Variants in KCNMB2 observed in about 807,000 individuals in gnomAD.
The protein encoded by KCNMB2 is potassium calcium-activated channel subfamily M regulatory beta subunit 2.
A neutral mutation model predicts 24.5 loss-of-function variants in KCNMB2; 9 were observed. The observed-to-expected ratio is 0.37, with a 90% CI of 0.22 to 0.64. The LOEUF (loss-of-function observed/expected upper bound fraction) is 0.64, where lower values mean the gene tolerates loss of function less well. KCNMB2 is among the 30% of genes least tolerant of loss of function. The pLI is 0.63. For missense variants in KCNMB2, 226 were observed against 284.3 expected, an observed-to-expected ratio of 0.79 and a Z score of 1.47; for synonymous variants, 109 against 104.4, an observed-to-expected ratio of 1.04 and a Z score of -0.27.
intron 1 of KCNMB2, among the ~76,000 whole-genome samples, chr3:178,649,683 G>A (rs1003380483): frequency 6.6e-6 from 1 of 151,864 alleles, no homozygotes; most frequent in Non-Finnish European, 1.5e-5. Context: ...TTCTCTGATG[G>A]TAGTTTGTAT....
In KCNMB2 at chr3:178,843,426, C is replaced by T. The variant is rs1197942791; in HGVS notation, c.*489C>T. The stretch of plus-strand genomic sequence containing the variant: ...TTTCCTAATTAAAGGAAGTTAGGTA[C>T]TTTTCTTGTATTTTTTACCATATCA... On this transcript the variant is annotated 3_prime_UTR_variant, in exon 5 of 5. Transcript: ENST00000452583. 4.8e-6 allele frequency: 1 copy of T among 206,574 alleles called. No homozygotes were observed. Among genetic ancestry groups the T allele is most frequent in the African/African-American group, 2.4e-5 (1 of 42,104 alleles). 12.8% of individuals were successfully genotyped at this position (206,574 alleles called of 1,614,324 possible).
At chr3:178,788,226 C>T (rs1039947264) in intron 1 of KCNMB2, among the ~76,000 whole-genome samples, 1 of 152,066 alleles carries the variant, frequency 6.6e-6, no homozygotes, top group Non-Finnish European at 1.5e-5. Context: ...ATGCGTGATG[C>T]CCAACACAGT....
chr3:178,632,719 A>C (rs1719365160), intron 1 of KCNMB2, among the ~76,000 whole-genome samples: 1 of 139,924 alleles, frequency 7.1e-6, no homozygotes, highest in South Asian at 2.1e-4. Flanking sequence ...TCATGTCCTC[A>C]CATTTCAAAA....
chr3:178,588,742 T>A (rs1030411126), intron 1 of KCNMB2, among the ~76,000 whole-genome samples: 2 of 152,166 alleles, frequency 1.3e-5, no homozygotes, highest in Admixed American at 1.3e-4. Flanking sequence ...CGACTTCCGT[T>A]TGAAGACACT....
intron 1 of KCNMB2, among the ~76,000 whole-genome samples, chr3:178,589,868 T>C (rs1185026452): frequency 6.6e-6 from 1 of 152,178 alleles, no homozygotes; most frequent in Non-Finnish European, 1.5e-5. Flanking sequence ...TGTGGGTTAA[T>C]TCACTGAAGT....
At chr3:178,542,831 G>C (rs1164944451) in intron 1 of KCNMB2, among the ~76,000 whole-genome samples, 2 of 152,260 alleles carry the variant, frequency 1.3e-5, no homozygotes, top group East Asian at 1.9e-4. Context: ...TAGAAAACCA[G>C]TTTCACAGCC....
intron 1 of KCNMB2, among the ~76,000 whole-genome samples, chr3:178,799,338 G>A (rs1293484792): frequency 6.6e-6 from 1 of 152,002 alleles, no homozygotes; most frequent in Non-Finnish European, 1.5e-5. Context: ...AAAGTTGCAG[G>A]ATCCAAAAAT....
intron 1 of KCNMB2, among the ~76,000 whole-genome samples, chr3:178,650,057 G>A (rs1720055116): frequency 6.6e-6 from 1 of 152,022 alleles, no homozygotes; most frequent in African/African-American, 2.4e-5. Context: ...TGTTCTCATT[G>A]GTTTCAAAGA....
intron 3 of KCNMB2, among the ~76,000 whole-genome samples, chr3:178,827,940 A>C (rs920985822): frequency 6.6e-6 from 1 of 152,208 alleles, no homozygotes; most frequent in Admixed American, 6.5e-5. Flanking sequence ...AGCACTGGAG[A>C]ATACCATATC....
intron 1 of KCNMB2, among the ~76,000 whole-genome samples, chr3:178,607,302 C>T (rs146454202): frequency 3.3e-5 from 5 of 152,276 alleles, no homozygotes; most frequent in African/African-American, 1.2e-4. Context: ...GATTCTGAAA[C>T]ATGTGGAAAG....
intron 1 of KCNMB2, among the ~76,000 whole-genome samples, chr3:178,658,597 A>C (rs1720421649): frequency 6.6e-6 from 1 of 152,104 alleles, no homozygotes; most frequent in Non-Finnish European, 1.5e-5. Flanking sequence ...CTCCTGTGTC[A>C]CTATAAAAGA....
At chr3:178,713,666 AG>A (rs1278874550) in intron 1 of KCNMB2, among the ~76,000 whole-genome samples, 2 of 152,118 alleles carry the variant, frequency 1.3e-5, no homozygotes, top group Non-Finnish European at 2.9e-5. Context: ...GCCACACAGA[AG>A]GTATGGTCTC....
At chr3:178,634,366 C>T (rs1719435991) in intron 1 of KCNMB2, among the ~76,000 whole-genome samples, 3 of 152,130 alleles carry the variant, frequency 2.0e-5, no homozygotes, top group Admixed American at 2.0e-4. Flanking sequence ...GTTTAATTGA[C>T]TCACAGTTCA....
chr3:178,582,535 G>C (rs75813444), intron 1 of KCNMB2, among the ~76,000 whole-genome samples: 1 of 152,002 alleles, frequency 6.6e-6, no homozygotes, highest in Admixed American at 6.6e-5. Context: ...CAGATAAGGA[G>C]CATAACAAAT....
Position 178,582,969 on chromosome 3 carries a change from T to C in KCNMB2, c.-68+46258T>C, listed in dbSNP as rs139487826. On this transcript the variant is annotated intron_variant, in intron 1 of 4. Coordinates refer to ENST00000452583, the MANE Select transcript of KCNMB2 (RefSeq NM_181361.3). Reference sequence around the variant, plus strand: ...GGTAAAACTGAAGAAGGAAAGACAATATTATATGTAAAACTTCTGGCATAA... The same window carrying C: ...GGTAAAACTGAAGAAGGAAAGACAACATTATATGTAAAACTTCTGGCATAA... 2.5e-3 allele frequency among the ~76,000 whole-genome samples: 377 copies of C among 152,292 alleles called. 8 individuals are homozygous for C. In the East Asian group the frequency reaches 0.026, roughly 11 times the overall value.
At chr3:178,578,470 C>T (rs1015895850) in intron 1 of KCNMB2, among the ~76,000 whole-genome samples, 1 of 152,210 alleles carries the variant, frequency 6.6e-6, no homozygotes, top group Non-Finnish European at 1.5e-5. Context: ...ACTGCATCAA[C>T]TGACAGTCAA....
chr3:178,718,031 A>G lies in KCNMB2; in HGVS notation c.-67-89312A>G, dbSNP rs115137842. 2.0e-4 allele frequency among the ~76,000 whole-genome samples: 31 copies of G among 152,336 alleles called. 1 individual carries two copies. Among genetic ancestry groups the G allele is most frequent in the African/African-American group, 5.8e-4 (24 of 41,580 alleles). On this transcript the variant is annotated intron_variant, in intron 1 of 4. Transcript: ENST00000452583. The stretch of plus-strand genomic sequence containing the variant: ...CCATCTTTAACAATAATAAGTGGAC[A>G]TGACTTATCCCTTTTGTAAATAGAG...
chr3:178,792,309 T>A (rs112520855), intron 1 of KCNMB2, among the ~76,000 whole-genome samples: 52 of 152,146 alleles, frequency 3.4e-4, no homozygotes, highest in African/African-American at 1.2e-3. Flanking sequence ...GTTGTTTTTG[T>A]TTGTTTTTGA....
chr3:178,836,573 G>C (rs1560041379), intron 4 of KCNMB2, among the ~76,000 whole-genome samples: 2 of 152,124 alleles, frequency 1.3e-5, no homozygotes, highest in African/African-American at 4.8e-5. Flanking sequence ...TATTAAGAGA[G>C]ATGTAAGTCT....
Sources: allele counts gnomAD v4.1 joint callset (sites outside exome capture counted in the v4.1 genomes callset), GRCh38; gene constraint gnomAD v4.1.1; transcripts MANE v1.5; gene names NCBI Gene and HGNC (gene_info 2026-07-23, HGNC 2026-07-21).